MIER3: variants seen among roughly 807,000 people sequenced by gnomAD.
The protein encoded by MIER3 is MIER family member 3, also known as mesoderm induction early response protein 3.
Under a neutral mutation model 63.2 loss-of-function variants are expected in MIER3, and 9 were observed. The observed-to-expected ratio is 0.14, with a 90% CI of 0.09 to 0.25. The LOEUF is 0.25. Ranked by LOEUF, MIER3 falls within the 10% of genes least tolerant of loss-of-function variation. The probability of loss-of-function intolerance (pLI) is 1.00; values close to 1 mark genes in which losing one functional copy is unlikely to be tolerated. For missense variants in MIER3, 512 were observed against 666.2 expected, an observed-to-expected ratio of 0.77 and a Z score of 2.55; for synonymous variants, 205 against 224.9, an observed-to-expected ratio of 0.91 and a Z score of 0.79.
intron 8 of MIER3, among the ~76,000 whole-genome samples, chr5:56,932,598 C>G (rs832530): frequency 1 from 152,299 of 152,314 alleles, 76,142 homozygotes; most frequent in Non-Finnish European, 1. Flanking sequence ...GCAGAATGAT[C>G]TCAGAGGGGC....
chr5:56,951,979 G>T, intron 1 of MIER3, 115 bp downstream of exon 1: 1 of 874,758 alleles, frequency 1.1e-6, no homozygotes, highest in Non-Finnish European at 1.4e-6. Flanking sequence ...TCGCCACGCC[G>T]CCCCTCATGG....
intron 9 of MIER3, among the ~76,000 whole-genome samples, 157 bp downstream of exon 9, chr5:56,930,507 T>C (rs1242198320): frequency 2.0e-5 from 3 of 152,130 alleles, no homozygotes; most frequent in Non-Finnish European, 2.9e-5. Flanking sequence ...CATCTAAAAA[T>C]AGAGTGCAAG....
chr5:56,948,668 CA>C (rs1308390345), intron 2 of MIER3, among the ~76,000 whole-genome samples: 1 of 151,664 alleles, frequency 6.6e-6, no homozygotes, highest in Admixed American at 6.6e-5. Context: ...GACTCCATCT[CA>C]AAAAACAAAA....
intron 3 of MIER3, among the ~76,000 whole-genome samples, chr5:56,943,734 T>C (rs966510309): frequency 2.0e-5 from 3 of 152,242 alleles, no homozygotes; most frequent in African/African-American, 7.2e-5. Context: ...ACTTAAGTCC[T>C]TTAAAACATA....
At chr5:56,947,575 A>C (rs1027774628) in intron 2 of MIER3, among the ~76,000 whole-genome samples, 4 of 152,198 alleles carry the variant, frequency 2.6e-5, no homozygotes, top group African/African-American at 9.7e-5. Context: ...CTGCTTTATA[A>C]AACAAATATA....
chr5:56,937,167 C>G (rs1750475519), intron 5 of MIER3, among the ~76,000 whole-genome samples: 2 of 152,128 alleles, frequency 1.3e-5, no homozygotes. Context: ...CCTTCACCCC[C>G]AAGGTTCAAG....
At chr5:56,938,521 C>T (rs1750532171) in intron 4 of MIER3, among the ~76,000 whole-genome samples, 1 of 152,206 alleles carries the variant, frequency 6.6e-6, no homozygotes, top group Non-Finnish European at 1.5e-5. Context: ...TCCAACCACT[C>T]CACGCCTAAG....
chr5:56,926,044 A>G (rs1041233063), intron 10 of MIER3, among the ~76,000 whole-genome samples: 4 of 149,794 alleles, frequency 2.7e-5, no homozygotes, highest in African/African-American at 9.7e-5. Context: ...ACATCCACAT[A>G]AAAAAAAAGA....
intron 4 of MIER3, 184 bp downstream of exon 4, chr5:56,938,699 C>A: frequency 1.6e-6 from 1 of 628,678 alleles, no homozygotes; most frequent in Non-Finnish European, 2.7e-6. Context: ...CATGAAGCTG[C>A]TATTAATACT....
chr5:56,951,539 A>G (rs1459035098), intron 1 of MIER3, among the ~76,000 whole-genome samples: 1 of 152,118 alleles, frequency 6.6e-6, no homozygotes, highest in African/African-American at 2.4e-5. Flanking sequence ...TCTTCTGAGA[A>G]GCCCGGTGGC....
Position 56,921,016 on chromosome 5 carries a change from C to T in MIER3, c.*2112G>A, listed in dbSNP as rs1231760930. 6.6e-6 allele frequency: 1 copy of T among 152,506 alleles called. No individual in the cohort carries two copies. The highest frequency in any genetic ancestry group is 1.5e-5 in the Non-Finnish European group (1 of 67,930). 9.4% of individuals were successfully genotyped at this position (152,506 alleles called of 1,614,324 possible). A position where few individuals can be genotyped will look rare whatever the true frequency, so the allele number is the denominator to read the frequency against. ...TTAAATAACTAAAGTGTCCATTCAA[C>T]TTGCTGATAATCAAAACTTTAGATA... On this transcript the variant is annotated 3_prime_UTR_variant, in exon 13 of 13. Transcript: ENST00000381199.
chr5:56,948,798 T>C (rs952686531), intron 2 of MIER3, among the ~76,000 whole-genome samples: 12 of 152,204 alleles, frequency 7.9e-5, no homozygotes, highest in African/African-American at 1.9e-4. Context: ...AGAAATGAAA[T>C]AGATGCTGAC....
chr5:56,949,684 C>T (rs906268602), intron 2 of MIER3, among the ~76,000 whole-genome samples: 3 of 152,176 alleles, frequency 2.0e-5, no homozygotes, highest in Non-Finnish European at 2.9e-5. Flanking sequence ...AGGAAACTGA[C>T]TATTCACTCT....
At chr5:56,944,145 T>C (rs1184238117) in intron 3 of MIER3, among the ~76,000 whole-genome samples, 3 of 152,178 alleles carry the variant, frequency 2.0e-5, no homozygotes, top group Non-Finnish European at 4.4e-5. Flanking sequence ...AAACTTCATA[T>C]ACAAGCGTTC....
chr5:56,947,447 T>C (rs1398151239), intron 2 of MIER3, among the ~76,000 whole-genome samples: 1 of 152,302 alleles, frequency 6.6e-6, no homozygotes, highest in East Asian at 1.9e-4. Context: ...AAAGATTAAA[T>C]TTCCATGAAT....
chr5:56,937,053 A>T (rs1750470501), intron 5 of MIER3: 1 of 151,700 alleles, frequency 6.6e-6, no homozygotes, highest in Non-Finnish European at 1.5e-5. Flanking sequence ...TAAAGTCAAT[A>T]TTTCCATTTT....
chr5:56,928,039 C>G (rs1750081857), intron 10 of MIER3: 3 of 150,948 alleles, frequency 2.0e-5, no homozygotes, highest in Non-Finnish European at 4.4e-5. Flanking sequence ...CTCCTTGCGG[C>G]TTGTTAGCTC....
intron 5 of MIER3, among the ~76,000 whole-genome samples, chr5:56,936,581 G>C (rs1045391468): frequency 6.6e-6 from 1 of 151,880 alleles, no homozygotes; most frequent in Non-Finnish European, 1.5e-5. Context: ...CCTGTTCATG[G>C]CTCCCTGTGA....
intron 3 of MIER3, chr5:56,941,704 T>C (rs950727143): frequency 2.0e-5 from 3 of 152,050 alleles, no homozygotes; most frequent in African/African-American, 7.3e-5. Flanking sequence ...CATTAGAGAC[T>C]CATAAAAAGG....
Sources: gnomAD v4.1 joint callset for allele counts (sites outside exome capture counted in the v4.1 genomes callset) on GRCh38, gnomAD v4.1.1 for gene constraint, MANE v1.5 for transcripts, NCBI Gene and HGNC (gene_info 2026-07-23, HGNC 2026-07-21) for gene names.